Variants in DCDC1 observed in about 807,000 individuals in gnomAD.
DCDC1 encodes doublecortin domain-containing protein 1.
Under a neutral mutation model 178.3 loss-of-function variants are expected in DCDC1, and 200 were observed. The ratio of observed to expected loss-of-function variants is 1.12; its 90% CI spans 1.00 to 1.26. DCDC1 has a LOEUF of 1.26. Among genes scored for constraint, DCDC1 ranks in the 50% most tolerant of loss-of-function variants. The probability of loss-of-function intolerance (pLI) is 0.00; values close to 1 mark genes in which losing one functional copy is unlikely to be tolerated. For missense variants in DCDC1, 1,983 were observed against 1,749.2 expected (o/e 1.13, Z -2.38); for synonymous variants, 690 against 604.8 (o/e 1.14, Z -2.07).
intron 20 of DCDC1, among the ~76,000 whole-genome samples, chr11:31,054,547 A>C (rs1457043263): frequency 1.3e-5 from 2 of 152,234 alleles, no homozygotes; most frequent in Non-Finnish European, 2.9e-5. Flanking sequence ...GACTAAGCAA[A>C]AAGAACAAAT....
At chr11:31,228,338 A>T (rs1975286816) in intron 9 of DCDC1, among the ~76,000 whole-genome samples, 1 of 152,138 alleles carries the variant, frequency 6.6e-6, no homozygotes, top group South Asian at 2.1e-4. Context: ...GAAAATCACA[A>T]GAAAAACTTT....
intron 21 of DCDC1, among the ~76,000 whole-genome samples, chr11:30,932,178 G>T (rs2134320051): frequency 6.7e-6 from 1 of 149,462 alleles, no homozygotes; most frequent in East Asian, 2.0e-4. Context: ...GTTGCAAGAT[G>T]AATGATTTAT....
intron 6 of DCDC1, among the ~76,000 whole-genome samples, chr11:31,298,753 A>G (rs1464874764): frequency 6.6e-6 from 1 of 152,246 alleles, no homozygotes; most frequent in African/African-American, 2.4e-5. Flanking sequence ...CTGTCACAAA[A>G]TTAAATAAAT....
chr11:30,960,936 A>T (rs1395922486), intron 20 of DCDC1, among the ~76,000 whole-genome samples: 2 of 152,110 alleles, frequency 1.3e-5, no homozygotes, highest in Non-Finnish European at 1.5e-5. Context: ...GTATGAACAA[A>T]GTTGCAATTT....
intron 9 of DCDC1, among the ~76,000 whole-genome samples, chr11:31,240,170 A>G (rs1472350636): frequency 3.3e-5 from 5 of 152,028 alleles, no homozygotes; most frequent in Non-Finnish European, 7.4e-5. Flanking sequence ...ATCATGATCC[A>G]TTTTATAATA....
intron 21 of DCDC1, among the ~76,000 whole-genome samples, chr11:30,932,680 G>T (rs1036815763): frequency 6.6e-6 from 1 of 152,170 alleles, no homozygotes; most frequent in African/African-American, 2.4e-5. Flanking sequence ...TTACAGGTGT[G>T]ATGGGACCAC....
intron 21 of DCDC1, among the ~76,000 whole-genome samples, chr11:30,933,652 T>C (rs1947081264): frequency 6.6e-6 from 1 of 152,228 alleles, no homozygotes; most frequent in African/African-American, 2.4e-5. Context: ...GTATGAACCT[T>C]CTGCTAGCCT....
intron 9 of DCDC1, among the ~76,000 whole-genome samples, chr11:31,223,324 GTATGTATGTATT>G (rs1006812232): frequency 6.6e-6 from 1 of 152,132 alleles, no homozygotes; most frequent in Non-Finnish European, 1.5e-5. Flanking sequence ...CAAAGGGTAT[GTATGTATGTATT>G]TATGTATGTA....
chr11:30,872,181 A>G (rs998625665), intron 38 of DCDC1, among the ~76,000 whole-genome samples: 2 of 152,114 alleles, frequency 1.3e-5, no homozygotes, highest in Non-Finnish European at 2.9e-5. Context: ...AGCAGTCATA[A>G]CTATTGCATG....
chr11:31,056,049 A>G (rs1955565574), intron 20 of DCDC1, among the ~76,000 whole-genome samples: 1 of 152,206 alleles, frequency 6.6e-6, no homozygotes, highest in South Asian at 2.1e-4. Flanking sequence ...ACATGCCAGC[A>G]TTTAGAGAGA....
intron 11 of DCDC1, among the ~76,000 whole-genome samples, chr11:31,121,871 G>GA: frequency 6.6e-6 from 1 of 152,098 alleles, no homozygotes; most frequent in East Asian, 1.9e-4. Context: ...CAGAAAACAG[G>GA]AAAAATGCTT....
At chr11:30,963,882 T>G (rs1949265064) in intron 20 of DCDC1, among the ~76,000 whole-genome samples, 1 of 152,150 alleles carries the variant, frequency 6.6e-6, no homozygotes, top group African/African-American at 2.4e-5. Flanking sequence ...TTACTGCTTT[T>G]TCTGCTATCT....
chr11:31,274,390 A>C (rs1029976148), intron 7 of DCDC1, among the ~76,000 whole-genome samples: 1 of 152,150 alleles, frequency 6.6e-6, no homozygotes, highest in Admixed American at 6.5e-5. Context: ...TGGAGCTTTT[A>C]GTCTAGTGCT....
intron 38 of DCDC1, among the ~76,000 whole-genome samples, chr11:30,878,298 T>A (rs1305565568): frequency 6.6e-6 from 1 of 151,670 alleles, no homozygotes; most frequent in Non-Finnish European, 1.5e-5. Flanking sequence ...AAAAAAAATA[T>A]AAATATTAGC....
At chr11:31,193,912 A>G (rs944343677) in intron 9 of DCDC1, among the ~76,000 whole-genome samples, 2 of 152,098 alleles carry the variant, frequency 1.3e-5, no homozygotes, top group African/African-American at 4.8e-5. Flanking sequence ...TCAATTCTTA[A>G]CAGCACACAT....
chr11:30,956,753 A>G (rs546981276), intron 20 of DCDC1, among the ~76,000 whole-genome samples: 2 of 152,242 alleles, frequency 1.3e-5, no homozygotes, highest in South Asian at 4.1e-4. Context: ...ATTAAAATAT[A>G]TTTTTTATAA....
chr11:31,307,855 A>G lies in DCDC1; in HGVS notation c.218T>C (p.Leu73Ser). ...TCTGTTGGGGCCAAACTGAGACTGC[A>G]AATAATCATCAGTAGTTTTAATAAC... ...KAVIKTTDDY[L>S]QSQFGPNRLV... Residue 73 changes from leucine to serine, a missense_variant, in exon 4 of 39, where the codon TTG (leucine) becomes TCG (serine). By Grantham distance (145) the Leu-to-Ser change is moderately radical (BLOSUM62 -2). Transcript: ENST00000684477. The G allele has an allele frequency of 6.2e-7, 1 of 1,614,144 alleles. No individual in the cohort carries two copies. The highest frequency in any genetic ancestry group is 8.5e-7 in the Non-Finnish European group (1 of 1,179,982).
chr11:30,920,300 G>C (rs1225357895), intron 25 of DCDC1, among the ~76,000 whole-genome samples: 2 of 152,148 alleles, frequency 1.3e-5, no homozygotes, highest in South Asian at 2.1e-4. Flanking sequence ...ATGTGAAAAG[G>C]ATTGTACATT....
At chr11:31,055,717 T>C (rs373096308) in intron 20 of DCDC1, among the ~76,000 whole-genome samples, 1 of 152,162 alleles carries the variant, frequency 6.6e-6, no homozygotes, top group African/African-American at 2.4e-5. Flanking sequence ...CTGGGTGAGA[T>C]TGGAGACTAT....
Sources: gnomAD v4.1 joint callset for allele counts (sites outside exome capture counted in the v4.1 genomes callset) on GRCh38, gnomAD v4.1.1 for gene constraint, MANE v1.5 for transcripts, NCBI Gene and HGNC (gene_info 2026-07-23, HGNC 2026-07-21) for gene names.